The following TOX2 variants were observed in gnomAD, a reference collection of about 807,000 sequenced individuals.
TOX2 encodes the protein granulosa cell HMG box 1.
A neutral mutation model predicts 47.4 loss-of-function variants in TOX2; 15 were observed. That is an observed-to-expected ratio of 0.32 (90% CI 0.21 to 0.49). The LOEUF is 0.49. Among genes scored for constraint, TOX2 ranks in the 20% least tolerant of loss-of-function variants. The pLI is 0.99. For missense variants in TOX2, 622 were observed against 673.1 expected (o/e 0.92, Z 0.84); for synonymous variants, 290 against 296.6 (o/e 0.98, Z 0.23).
chr20:43,935,944 A>G (rs1315876869), intron 1 of TOX2, among the ~76,000 whole-genome samples: 1 of 151,764 alleles, frequency 6.6e-6, no homozygotes, highest in East Asian at 1.9e-4. Flanking sequence ...AAAAAAAAAA[A>G]AAAAAAAAGA....
At chr20:44,058,284 G>A (rs1329112139) in intron 5 of TOX2, among the ~76,000 whole-genome samples, 1 of 152,202 alleles carries the variant, frequency 6.6e-6, no homozygotes, top group Non-Finnish European at 1.5e-5. Context: ...TGCATGGTGG[G>A]AGTGAGACCA....
chr20:43,977,822 T>C (rs1463573983), intron 2 of TOX2, among the ~76,000 whole-genome samples: 1 of 152,130 alleles, frequency 6.6e-6, no homozygotes, highest in African/African-American at 2.4e-5. Context: ...TCTTTCCTGT[T>C]GAGAGCAGAC....
intron 3 of TOX2, among the ~76,000 whole-genome samples, chr20:44,026,105 G>T (rs1325106058): frequency 6.6e-6 from 1 of 151,608 alleles, no homozygotes; most frequent in Non-Finnish European, 1.5e-5. Flanking sequence ...TCAACATTTG[G>T]CCATTGCCCA....
At chr20:43,950,783 T>C (rs1254993272) in intron 1 of TOX2, among the ~76,000 whole-genome samples, 1 of 152,120 alleles carries the variant, frequency 6.6e-6, no homozygotes, top group Non-Finnish European at 1.5e-5. Context: ...AAGTCACTTA[T>C]TGACTATGTG....
intron 2 of TOX2, among the ~76,000 whole-genome samples, chr20:43,996,515 C>T (rs2070483685): frequency 6.6e-6 from 1 of 152,176 alleles, no homozygotes. Context: ...GGCTTCTTGT[C>T]CTCATTTTCA....
chr20:43,965,464 G>A (rs2069834513), intron 1 of TOX2, among the ~76,000 whole-genome samples: 1 of 152,150 alleles, frequency 6.6e-6, no homozygotes, highest in African/African-American at 2.4e-5. Context: ...GGCATGCCTG[G>A]CACCTAGCAC....
At chr20:43,974,286 C>T (rs1465294741) in intron 2 of TOX2, among the ~76,000 whole-genome samples, 4 of 151,776 alleles carry the variant, frequency 2.6e-5, no homozygotes, top group African/African-American at 7.3e-5. Context: ...GGTGGGTCCT[C>T]ACTGAAGGCT....
At chr20:44,007,752 A>G (rs2070712417) in intron 3 of TOX2, among the ~76,000 whole-genome samples, 1 of 152,062 alleles carries the variant, frequency 6.6e-6, no homozygotes, top group Non-Finnish European at 1.5e-5. Flanking sequence ...AGGTGGGAGG[A>G]TCACTCAAGC....
At chr20:43,945,007 GC>G (rs1156877552) in intron 1 of TOX2, among the ~76,000 whole-genome samples, 2 of 152,224 alleles carry the variant, frequency 1.3e-5, no homozygotes, top group Non-Finnish European at 2.9e-5. Context: ...CCCGGGGCCA[GC>G]TTTATCCCAA....
At chr20:44,056,839 TA>T (rs1245729720) in intron 5 of TOX2, among the ~76,000 whole-genome samples, 1 of 152,176 alleles carries the variant, frequency 6.6e-6, no homozygotes, top group African/African-American at 2.4e-5. Flanking sequence ...CTTCTAGGTT[TA>T]AAAAAAGTGT....
intron 3 of TOX2, among the ~76,000 whole-genome samples, chr20:44,048,385 A>AATTTATATAT (rs1555845961): frequency 3.7e-5 from 2 of 53,770 alleles, no homozygotes; most frequent in African/African-American, 6.9e-5. Flanking sequence ...GGATAAAATG[A>AATTTATATAT]ATTTATATAT....
chr20:43,934,720 C>T (rs2069301677), intron 1 of TOX2, among the ~76,000 whole-genome samples: 1 of 152,040 alleles, frequency 6.6e-6, no homozygotes, highest in African/African-American at 2.4e-5. Context: ...TCCTGGGACC[C>T]TCTTCCCATC....
chr20:43,937,105 G>C (rs188812096), intron 1 of TOX2, among the ~76,000 whole-genome samples: 65 of 152,302 alleles, frequency 4.3e-4, no homozygotes, highest in African/African-American at 1.3e-3. Flanking sequence ...GGGAGACCAG[G>C]CAACAGAGAG....
At chr20:44,023,615 G>C (rs567841474) in intron 3 of TOX2, among the ~76,000 whole-genome samples, 2 of 152,318 alleles carry the variant, frequency 1.3e-5, no homozygotes. Context: ...AAATGGACCT[G>C]CCTTAAGCAC....
At position 44,065,705 on chromosome 20, in the gene TOX2, C is replaced by T. The variant is rs752166750; in HGVS notation, c.961-7C>T. The stretch of plus-strand genomic sequence containing the variant: ...TTCTCCAGTGACTGATATCTGTCTC[C>T]TTCCAGAGCTCCCCAGATCAAGGTG... On this transcript the variant is annotated splice_polypyrimidine_tract_variant and splice_region_variant and intron_variant, in intron 6 of 8. Transcript: ENST00000341197. The T allele has an allele frequency of 1.9e-6, 3 of 1,568,320 alleles. No homozygotes were observed. The highest frequency in any genetic ancestry group is 2.6e-6 in the Non-Finnish European group (3 of 1,150,384).
chr20:43,973,701 G>A (rs1042223340), intron 2 of TOX2, among the ~76,000 whole-genome samples: 7 of 152,302 alleles, frequency 4.6e-5, no homozygotes, highest in African/African-American at 1.2e-4. Flanking sequence ...TACTCCCCAC[G>A]CTTGGGGCAG....
chr20:44,047,000 G>A (rs2071419910), intron 3 of TOX2, among the ~76,000 whole-genome samples: 1 of 152,150 alleles, frequency 6.6e-6, no homozygotes, highest in Admixed American at 6.6e-5. Flanking sequence ...GGGAGTCATG[G>A]TCTCTGATCT....
intron 8 of TOX2, among the ~76,000 whole-genome samples, chr20:44,068,057 C>T (rs1293876762): frequency 2.0e-5 from 3 of 152,152 alleles, no homozygotes; most frequent in Non-Finnish European, 2.9e-5. Context: ...TCTGACATGC[C>T]TGAAGTGAGA....
intron 3 of TOX2, among the ~76,000 whole-genome samples, chr20:44,029,785 G>T (rs139958851): frequency 6.6e-6 from 1 of 152,078 alleles, no homozygotes; most frequent in Non-Finnish European, 1.5e-5. Flanking sequence ...TCCAAAAGGG[G>T]GTCATTGACT....
Sources: allele counts gnomAD v4.1 joint callset (sites outside exome capture counted in the v4.1 genomes callset), GRCh38; gene constraint gnomAD v4.1.1; transcripts MANE v1.5; gene names NCBI Gene and HGNC (gene_info 2026-07-23, HGNC 2026-07-21).